Variants in PLCG2 observed in about 807,000 individuals in gnomAD.
PLCG2 encodes the protein 1-phosphatidylinositol 4,5-bisphosphate phosphodiesterase gamma-2.
PLCG2 carries 69 observed loss-of-function variants against 175.6 expected under a neutral mutation model. That is an observed-to-expected ratio of 0.39 (90% CI 0.32 to 0.48). The LOEUF (loss-of-function observed/expected upper bound fraction) is 0.48, where lower values mean the gene tolerates loss of function less well. Among genes scored for constraint, PLCG2 ranks in the 20% least tolerant of loss-of-function variants. The pLI, the probability that PLCG2 is intolerant of heterozygous loss-of-function variation, is 0.91. For missense variants in PLCG2, 1,798 were observed against 1,650.9 expected (o/e 1.09, Z -1.54); for synonymous variants, 827 against 624.0 (o/e 1.33, Z -4.85).
intron 5 of PLCG2, among the ~76,000 whole-genome samples, chr16:81,868,327 C>A (rs149926950): frequency 5.9e-5 from 9 of 152,288 alleles, no homozygotes; most frequent in African/African-American, 2.2e-4. Context: ...CCCTTAGTGA[C>A]CTTGCCTTGC....
intron 19 of PLCG2, among the ~76,000 whole-genome samples, chr16:81,918,157 A>G (rs1273005754): frequency 6.6e-6 from 1 of 151,922 alleles, no homozygotes; most frequent in Non-Finnish European, 1.5e-5. Context: ...TTGTTTATTT[A>G]CTCTGTTGAT....
chr16:81,866,555 C>T (rs1907246415), intron 5 of PLCG2, among the ~76,000 whole-genome samples: 1 of 84,354 alleles, frequency 1.2e-5, no homozygotes, highest in African/African-American at 3.4e-5. Flanking sequence ...GGGGCACCAG[C>T]ATGAGAGGAC....
chr16:81,957,579 AATGG>A (rs1911625859), intron 32 of PLCG2, among the ~76,000 whole-genome samples: 1 of 152,086 alleles, frequency 6.6e-6, no homozygotes, highest in African/African-American at 2.4e-5. Flanking sequence ...ACAGGCATGT[AATGG>A]GGTGCGGGGC....
At chr16:81,749,497 C>T (rs1956570667) in intron 1 of PLCG2, among the ~76,000 whole-genome samples, 2 of 152,036 alleles carry the variant, frequency 1.3e-5, no homozygotes, top group Non-Finnish European at 2.9e-5. Flanking sequence ...GGATTACAGG[C>T]GCCTGCCACC....
chr16:81,891,318 G>A (rs1445019175), intron 10 of PLCG2, among the ~76,000 whole-genome samples, 154 bp from the exon 11 acceptor site: 2 of 152,286 alleles, frequency 1.3e-5, no homozygotes, highest in South Asian at 2.1e-4. Context: ...TGAGCCTTCG[G>A]TATTGAAAAC....
At chr16:81,810,422 G>T (rs907013259) in intron 2 of PLCG2, among the ~76,000 whole-genome samples, 1 of 152,176 alleles carries the variant, frequency 6.6e-6, no homozygotes, top group African/African-American at 2.4e-5. Flanking sequence ...TGGTGAATTT[G>T]CCTTTCTGCT....
At chr16:81,824,761 C>G (rs1471917437) in intron 2 of PLCG2, among the ~76,000 whole-genome samples, 1 of 152,026 alleles carries the variant, frequency 6.6e-6, no homozygotes, top group Non-Finnish European at 1.5e-5. Flanking sequence ...GATGGTGACT[C>G]CCTGCACATA....
chr16:81,911,343 G>A (rs1225817857), intron 18 of PLCG2, among the ~76,000 whole-genome samples: 1 of 152,018 alleles, frequency 6.6e-6, no homozygotes, highest in Non-Finnish European at 1.5e-5. Context: ...TGAAACTCCT[G>A]CTGTGATCTC....
chr16:81,874,267 C>G (rs1433150986), intron 7 of PLCG2, among the ~76,000 whole-genome samples: 1 of 152,202 alleles, frequency 6.6e-6, no homozygotes, highest in African/African-American at 2.4e-5. Flanking sequence ...TCCACTTTCT[C>G]TGTATTGACC....
rs541005801 is a variant in PLCG2 at position 81,796,732 on chromosome 16, A to G, written c.193+10550A>G. 1.1e-4 allele frequency among the ~76,000 whole-genome samples: 16 copies of G among 152,362 alleles called. No homozygotes were observed. In the South Asian group the frequency reaches 2.9e-3, roughly 28 times the overall value. ...GGGAGAGAAGGCCATGTGAAGACAGATACAGAAATCTGAGTCATGCATCTG... is the reference window on the plus strand; with the variant it reads ...GGGAGAGAAGGCCATGTGAAGACAGGTACAGAAATCTGAGTCATGCATCTG... On this transcript the variant is annotated intron_variant, in intron 2 of 32. Coordinates refer to ENST00000564138, the MANE Select transcript of PLCG2 (RefSeq NM_002661.5).
intron 2 of PLCG2, among the ~76,000 whole-genome samples, chr16:81,811,127 C>A (rs991272057): frequency 1.3e-5 from 2 of 152,150 alleles, no homozygotes; most frequent in African/African-American, 4.8e-5. Context: ...TCATATGGCA[C>A]CACGTATGAC....
At chr16:81,812,713 A>G (rs925216926) in intron 2 of PLCG2, among the ~76,000 whole-genome samples, 1 of 151,892 alleles carries the variant, frequency 6.6e-6, no homozygotes, top group Non-Finnish European at 1.5e-5. Flanking sequence ...TAATTTTGCC[A>G]TTGCTTTTGG....
chr16:81,765,573 G>A (rs572974545), intron 2 of PLCG2, among the ~76,000 whole-genome samples: 147 of 152,352 alleles, frequency 9.6e-4, no homozygotes, highest in African/African-American at 3.4e-3. Context: ...AGAGGTTGCT[G>A]TGAGCTGAGG....
chr16:81,880,791 T>G lies in PLCG2; in HGVS notation c.649-119T>G, dbSNP rs866238843. 3.1e-5 allele frequency: 27 copies of G among 868,652 alleles called. 2 individuals are homozygous for G. Among genetic ancestry groups the G allele is most frequent in the African/African-American group, 2.9e-4 (17 of 59,466 alleles). 53.8% of individuals were successfully genotyped at this position (868,652 alleles called of 1,614,324 possible). ...ACAACTAACATCAACTAAAATGATA[T>G]TTTTAATGATCTTGTTGCATCTGAC... On this transcript the variant is annotated intron_variant, in intron 7 of 32. Transcript: ENST00000564138.
intron 6 of PLCG2, 77 bp from the exon 7 acceptor site, chr16:81,870,775 A>AG: frequency 1.3e-6 from 1 of 742,380 alleles, no homozygotes; most frequent in Non-Finnish European, 2.2e-6. Flanking sequence ...TGAAACAAAA[A>AG]TTATTCTATA....
Position 81,960,492 on chromosome 16 carries a change from A to C in PLCG2, c.*2494A>C, listed in dbSNP as rs1005195078. 8.7e-6 allele frequency: 2 copies of C among 230,852 alleles called. No homozygotes were observed. The highest frequency in any genetic ancestry group is 4.4e-5 in the African/African-American group (2 of 45,228). The allele number at this position is 230,852 out of a possible 1,614,324, so 14.3% of individuals were successfully genotyped here. On this transcript the variant is annotated 3_prime_UTR_variant, in exon 33 of 33. Coordinates refer to ENST00000564138, the MANE Select transcript of PLCG2 (RefSeq NM_002661.5). ...TATTGGTTATTACAAGGAAAAATAA[A>C]GTGGGGAGGCTGGTTAGGCCTTGTG... is the stretch of plus-strand genomic sequence containing the variant.
At chr16:81,777,208 A>G (rs78830360), upstream of PLCG2, among the ~76,000 whole-genome samples, 1,138 of 152,280 alleles carry the variant, frequency 7.5e-3, 10 homozygotes, top group Non-Finnish European at 9.3e-3. Context: ...GCATCTGTCA[A>G]GATAGGCTTT....
chr16:81,932,170 C>G (rs73598704), intron 25 of PLCG2, among the ~76,000 whole-genome samples: 3 of 151,994 alleles, frequency 2.0e-5, no homozygotes, highest in African/African-American at 7.3e-5. Flanking sequence ...AAGTACTAGT[C>G]TCTGGCTGGA....
intron 9 of PLCG2, among the ~76,000 whole-genome samples, chr16:81,887,114 AGTT>A (rs1166105655): frequency 1.3e-5 from 2 of 151,356 alleles, no homozygotes; most frequent in Admixed American, 6.6e-5. Context: ...GGCCAGGCAA[AGTT>A]GTTTTTTTTT....
Sources: gnomAD v4.1 joint callset for allele counts (sites outside exome capture counted in the v4.1 genomes callset) on GRCh38, gnomAD v4.1.1 for gene constraint, MANE v1.5 for transcripts, NCBI Gene and HGNC (gene_info 2026-07-23, HGNC 2026-07-21) for gene names.